The following KAZN variants were observed in gnomAD, a reference collection of about 807,000 sequenced individuals.
KAZN encodes the protein kazrin.
A neutral mutation model predicts 87.4 loss-of-function variants in KAZN; 40 were observed. The ratio of observed to expected loss-of-function variants is 0.46; its 90% confidence interval spans 0.36 to 0.60. The LOEUF is 0.60. Among genes scored for constraint, KAZN ranks in the 20% least tolerant of loss-of-function variants. The pLI, the probability that KAZN is intolerant of heterozygous loss-of-function variation, is 0.00. For missense variants in KAZN, 898 were observed against 1,073.9 expected (o/e 0.84, Z 2.29); for synonymous variants, 466 against 458.3 (o/e 1.02, Z -0.22).
intron 2 of KAZN, among the ~76,000 whole-genome samples, chr1:14,481,391 A>G (rs1414002174): frequency 6.6e-6 from 1 of 151,476 alleles, no homozygotes; most frequent in African/African-American, 2.4e-5. Flanking sequence ...TAAGATTATT[A>G]TAAAGTAGCT....
intron 1 of KAZN, among the ~76,000 whole-genome samples, chr1:14,090,173 GA>G (rs778811139): frequency 2.6e-5 from 4 of 152,006 alleles, no homozygotes; most frequent in Non-Finnish European, 5.9e-5. Flanking sequence ...ATTAAAATTA[GA>G]AAATGTTTAG....
At chr1:14,000,297 A>G (rs1639726969) in intron 1 of KAZN, among the ~76,000 whole-genome samples, 1 of 152,254 alleles carries the variant, frequency 6.6e-6, no homozygotes, top group African/African-American at 2.4e-5. Context: ...AAAAATCCTC[A>G]ATAAAATACT....
At chr1:14,061,350 G>C (rs559727843) in intron 1 of KAZN, among the ~76,000 whole-genome samples, 110 of 152,282 alleles carry the variant, frequency 7.2e-4, no homozygotes, top group African/African-American at 2.5e-3. Flanking sequence ...ATGAATAGGA[G>C]ATTCCTGGGA....
At chr1:15,100,663 G>A (rs1641019811) in intron 10 of KAZN, among the ~76,000 whole-genome samples, 1 of 152,182 alleles carries the variant, frequency 6.6e-6, no homozygotes, top group Non-Finnish European at 1.5e-5. Flanking sequence ...TTCTATGTGG[G>A]GCACAAGGAA....
At chr1:14,485,650 G>A (rs1052475781) in intron 2 of KAZN, among the ~76,000 whole-genome samples, 9 of 152,036 alleles carry the variant, frequency 5.9e-5, no homozygotes, top group Admixed American at 3.9e-4. Context: ...ATCCCAGCAC[G>A]TCGGGAGGCT....
intron 2 of KAZN, among the ~76,000 whole-genome samples, chr1:14,262,704 G>C (rs1029487276): frequency 6.6e-6 from 1 of 152,146 alleles, no homozygotes. Flanking sequence ...GTTTCCACCA[G>C]TTCTGTAGTA....
intron 2 of KAZN, among the ~76,000 whole-genome samples, chr1:14,470,031 A>C (rs1668370442): frequency 6.6e-6 from 1 of 152,182 alleles, no homozygotes; most frequent in Admixed American, 6.5e-5. Flanking sequence ...GGTGGTGATA[A>C]TGTTGAGGAG....
intron 1 of KAZN, among the ~76,000 whole-genome samples, chr1:14,935,529 A>G (rs772061551): frequency 1.3e-5 from 2 of 152,126 alleles, no homozygotes; most frequent in South Asian, 2.1e-4. Context: ...TCCACTCCGG[A>G]CCTACAGAAT....
intron 2 of KAZN, among the ~76,000 whole-genome samples, chr1:14,305,542 A>G (rs1045542921): frequency 2.0e-5 from 3 of 152,166 alleles, no homozygotes; most frequent in African/African-American, 2.4e-5. Context: ...CTGTCAAGAC[A>G]ATATTAATTC....
intron 1 of KAZN, among the ~76,000 whole-genome samples, chr1:14,654,610 G>A (rs1207154901): frequency 6.6e-6 from 1 of 152,128 alleles, no homozygotes; most frequent in East Asian, 1.9e-4. Flanking sequence ...CTCTGCAGTG[G>A]AAAACAGGTA....
At chr1:14,189,629 A>G (rs1057329475) in intron 2 of KAZN, among the ~76,000 whole-genome samples, 1 of 152,160 alleles carries the variant, frequency 6.6e-6, no homozygotes, top group African/African-American at 2.4e-5. Context: ...CTAACTCCAG[A>G]ATATTTCCAT....
At chr1:14,703,078 G>T (rs1642019214) in intron 1 of KAZN, among the ~76,000 whole-genome samples, 2 of 152,170 alleles carry the variant, frequency 1.3e-5, no homozygotes, top group African/African-American at 2.4e-5. Context: ...TTTTCCTAAG[G>T]TCAGGTGGTA....
intron 1 of KAZN, among the ~76,000 whole-genome samples, chr1:14,063,478 C>T (rs1480408325): frequency 6.6e-6 from 1 of 151,928 alleles, no homozygotes. Context: ...CAGTGGGTGC[C>T]CAATTGAGTA....
At chr1:14,048,761 T>C (rs969832263) in intron 1 of KAZN, among the ~76,000 whole-genome samples, 5 of 152,184 alleles carry the variant, frequency 3.3e-5, no homozygotes, top group African/African-American at 1.2e-4. Flanking sequence ...CTTTCAATGA[T>C]TTATAATCCT....
At chr1:14,551,771 G>A (rs1275492451) in intron 2 of KAZN, among the ~76,000 whole-genome samples, 1 of 152,140 alleles carries the variant, frequency 6.6e-6, no homozygotes, top group African/African-American at 2.4e-5. Context: ...CCCTTCACTA[G>A]TGATGTTGAA....
chr1:14,918,735 T>C (rs938467504), intron 1 of KAZN, among the ~76,000 whole-genome samples: 1 of 112,986 alleles, frequency 8.9e-6, no homozygotes, highest in African/African-American at 3.4e-5. Context: ...TATATATATA[T>C]ATATATATAT....
chr1:14,739,676 G>A (rs1053880319), intron 1 of KAZN, among the ~76,000 whole-genome samples: 1 of 148,692 alleles, frequency 6.7e-6, no homozygotes, highest in African/African-American at 2.5e-5. Flanking sequence ...TTTTTTTTTT[G>A]TATTGTTTGA....
In KAZN at chr1:14,180,443, T is replaced by G. The variant is rs568702455; in HGVS notation, c.100T>G (p.Ser34Ala). The G allele has an allele frequency of 2.3e-4, 356 of 1,550,070 alleles. 2 individuals are homozygous for G. The African/African-American group carries it at 4.1e-3, about 18-fold the overall frequency. Residue 34 changes from serine (S) to alanine (A), a missense_variant, in exon 2 of 17, where the codon TCA becomes GCA. Ser to Ala is a moderately conservative substitution (Grantham distance 99). Coordinates refer to the KAZN transcript ENST00000636203. ...TCTTTTTCTTTCCACAGCTGTGCAA[T>G]CATTGCACACCCTCAATGACCAGAT...
At chr1:14,291,754 CT>C (rs1475408113) in intron 2 of KAZN, among the ~76,000 whole-genome samples, 1 of 152,206 alleles carries the variant, frequency 6.6e-6, no homozygotes, top group Non-Finnish European at 1.5e-5. Context: ...CAGAAATCAC[CT>C]GTCTTCTGCA....
Sources: gnomAD v4.1 joint callset for allele counts (sites outside exome capture counted in the v4.1 genomes callset) on GRCh38, gnomAD v4.1.1 for gene constraint, MANE v1.5 for transcripts, NCBI Gene and HGNC (gene_info 2026-07-23, HGNC 2026-07-21) for gene names.